Variants in AIRIM observed in about 807,000 individuals in gnomAD.
The protein encoded by AIRIM is AFG2 interacting ribosome maturation factor.
chr1:37,690,586 G>T, the AIRIM span: 1 of 774,586 alleles, frequency 1.3e-6, no homozygotes, highest in East Asian at 7.2e-5. Flanking sequence ...CTACTGAGTC[G>T]CGAAAATATA....
the AIRIM span, chr1:37,691,444 A>T: frequency 6.5e-6 from 1 of 152,762 alleles, no homozygotes; most frequent in Admixed American, 6.5e-5. Context: ...AAATCCAAAC[A>T]ATCAGGCCAC....
At chr1:37,688,996 C>G in the AIRIM span, among the ~76,000 whole-genome samples, 4 of 149,926 alleles carry the variant, frequency 2.7e-5, no homozygotes, top group Non-Finnish European at 5.9e-5. Flanking sequence ...ATCTGTAACG[C>G]AGGCACTGGG....
the AIRIM span, chr1:37,686,533 T>A: frequency 1.5e-6 from 2 of 1,367,980 alleles, no homozygotes; most frequent in Admixed American, 2.0e-5. Flanking sequence ...CTACTGATAT[T>A]TTGGACTACA....
the AIRIM span, chr1:37,681,845 T>C: frequency 6.6e-6 from 1 of 152,206 alleles, no homozygotes; most frequent in Non-Finnish European, 1.5e-5. Context: ...TTTACAGATA[T>C]AAAAAGATGA....
At chr1:37,690,285 T>G in the AIRIM span, 3 of 1,291,774 alleles carry the variant, frequency 2.3e-6, no homozygotes, top group African/African-American at 4.5e-5. Context: ...GCGCCCGGCC[T>G]GCCTCAGCTT....
chr1:37,683,323 T>C, the AIRIM span: 1 of 1,614,026 alleles, frequency 6.2e-7, no homozygotes, highest in Non-Finnish European at 8.5e-7. Flanking sequence ...CAGTACCTTG[T>C]ACAAGATCTT....
At chr1:37,687,059 A>AGTGTGTGTGT in the AIRIM span, among the ~76,000 whole-genome samples, 1 of 141,292 alleles carries the variant, frequency 7.1e-6, no homozygotes, top group South Asian at 2.4e-4. Flanking sequence ...CCGTCTCAAA[A>AGTGTGTGTGT]GTGTGTGTGT....
At chr1:37,690,738 G>A in the AIRIM span, among the ~76,000 whole-genome samples, 1 of 152,220 alleles carries the variant, frequency 6.6e-6, no homozygotes, top group African/African-American at 2.4e-5. Flanking sequence ...TTTAAATTGG[G>A]TGGCGGTGGT....
chr1:37,689,079 A>G, the AIRIM span, among the ~76,000 whole-genome samples: 1 of 152,128 alleles, frequency 6.6e-6, no homozygotes, highest in Admixed American at 6.6e-5. Flanking sequence ...ACAGCAGAAC[A>G]AAGTGGTGAT....
At chr1:37,684,234 G>A in the AIRIM span, 2 of 152,058 alleles carry the variant, frequency 1.3e-5, no homozygotes, top group Admixed American at 6.6e-5. Context: ...ACAAGTGACT[G>A]TGTAAACATT....
At chr1:37,687,059 AGTGTGTGTGTGTGTGTGTGTGT>A in the AIRIM span, among the ~76,000 whole-genome samples, 115 of 141,400 alleles carry the variant, frequency 8.1e-4, no homozygotes, top group South Asian at 8.9e-3. Context: ...CCGTCTCAAA[AGTGTGTGTGTGTGTGTGTGTGT>A]GTGTGTGTGT....
At chr1:37,686,501 G>A in the AIRIM span, 2 of 1,566,906 alleles carry the variant, frequency 1.3e-6, no homozygotes, top group Non-Finnish European at 8.7e-7. Flanking sequence ...CATGTATAAA[G>A]GAAGGTTTCT....
the AIRIM span, chr1:37,684,277 C>T: frequency 2.0e-5 from 3 of 152,220 alleles, no homozygotes; most frequent in African/African-American, 7.2e-5. Flanking sequence ...TAATGTCAGC[C>T]GCAGCTCTTG....
chr1:37,682,952 C>G, the AIRIM span: 3 of 681,172 alleles, frequency 4.4e-6, no homozygotes, highest in Non-Finnish European at 5.0e-6. Flanking sequence ...GCTGCAGCTC[C>G]AAAATCAGAC....
chr1:37,684,524 CAGG>C, the AIRIM span, among the ~76,000 whole-genome samples: 1 of 152,148 alleles, frequency 6.6e-6, no homozygotes, highest in African/African-American at 2.4e-5. Context: ...GAGGCTGAGG[CAGG>C]AGAATTGCTT....
At chr1:37,689,482 T>C in the AIRIM span, 14 of 1,192,820 alleles carry the variant, frequency 1.2e-5, no homozygotes, top group African/African-American at 4.7e-5. Context: ...GTAAGGAAGG[T>C]TGAGATACCT....
the AIRIM span, among the ~76,000 whole-genome samples, chr1:37,690,796 C>T: frequency 2.4e-3 from 371 of 152,288 alleles, 1 homozygote; most frequent in African/African-American, 8.5e-3. Flanking sequence ...CTTGCGCCTC[C>T]GGTTGTGCCT....
At chr1:37,684,661 G>A in the AIRIM span, among the ~76,000 whole-genome samples, 1 of 152,166 alleles carries the variant, frequency 6.6e-6, no homozygotes, top group African/African-American at 2.4e-5. Flanking sequence ...TGGGTTCTAC[G>A]ACTCAAGGAA....
chr1:37,684,574 G>A, the AIRIM span, among the ~76,000 whole-genome samples: 3 of 152,184 alleles, frequency 2.0e-5, no homozygotes, highest in Non-Finnish European at 2.9e-5. Flanking sequence ...AGCCAAGATC[G>A]TGCCATTGCA....
Sources: allele counts gnomAD v4.1 joint callset (sites outside exome capture counted in the v4.1 genomes callset), GRCh38; gene constraint gnomAD v4.1.1; transcripts MANE v1.5; gene names NCBI Gene and HGNC (gene_info 2026-07-23, HGNC 2026-07-21).